PAK1: variants seen among roughly 807,000 people sequenced by gnomAD.
PAK1 encodes serine/threonine-protein kinase PAK 1.
PAK1 carries 29 observed loss-of-function variants against 67.4 expected under a neutral mutation model. The ratio of observed to expected loss-of-function variants is 0.43; its 90% CI spans 0.32 to 0.59. PAK1 has a LOEUF of 0.59. PAK1 is among the 20% of genes least tolerant of loss of function. PAK1 has a pLI of 0.07. For missense variants in PAK1, 337 were observed against 670.7 expected (o/e 0.50, Z 5.50); for synonymous variants, 223 against 237.4 (o/e 0.94, Z 0.56).
chr11:77,500,960 C>T, the PAK1 span, among the ~76,000 whole-genome samples: 1 of 152,078 alleles, frequency 6.6e-6, no homozygotes, highest in Non-Finnish European at 1.5e-5. Context: ...ACATTCAAAA[C>T]TTAGTCCCTC....
intron 1 of PAK1, among the ~76,000 whole-genome samples, chr11:77,394,718 G>A (rs1283340952): frequency 4.6e-5 from 7 of 152,090 alleles, no homozygotes; most frequent in Admixed American, 6.5e-5. Context: ...GGTGGCGCGC[G>A]CCTGTAGTCC....
intron 8 of PAK1, among the ~76,000 whole-genome samples, chr11:77,352,777 A>G (rs904259098): frequency 6.6e-6 from 1 of 152,208 alleles, no homozygotes; most frequent in Non-Finnish European, 1.5e-5. Flanking sequence ...TATTCAGTAC[A>G]GTAACATGCT....
chr11:77,489,520 T>C, the PAK1 span, among the ~76,000 whole-genome samples: 1 of 152,002 alleles, frequency 6.6e-6, no homozygotes, highest in East Asian at 1.9e-4. Context: ...ACTGTACTGC[T>C]GCCATCTCGG....
intron 2 of PAK1, among the ~76,000 whole-genome samples, chr11:77,383,280 G>A (rs57497719): frequency 0.04 from 6,099 of 152,028 alleles, 400 homozygotes; most frequent in African/African-American, 0.14. Context: ...TAAAAGGAAC[G>A]GGGAAATCTA....
intron 1 of PAK1, among the ~76,000 whole-genome samples, chr11:77,422,097 T>G (rs980072384): frequency 2.0e-5 from 3 of 152,154 alleles, no homozygotes; most frequent in African/African-American, 4.8e-5. Flanking sequence ...TTACTGAAAG[T>G]ATTTGATAGT....
intron 9 of PAK1, among the ~76,000 whole-genome samples, chr11:77,345,549 T>C (rs1944295096): frequency 6.6e-6 from 1 of 152,202 alleles, no homozygotes; most frequent in South Asian, 2.1e-4. Context: ...CCTGACTCTA[T>C]TATTTCTTCA....
At chr11:77,402,060 C>T (rs1952767735) in intron 1 of PAK1, among the ~76,000 whole-genome samples, 13 of 152,076 alleles carry the variant, frequency 8.5e-5, no homozygotes, top group Admixed American at 8.5e-4. Context: ...AAATAAACAC[C>T]TTTATTTTAT....
chr11:77,385,622 G>A (rs1278229852), intron 2 of PAK1, among the ~76,000 whole-genome samples: 3 of 152,144 alleles, frequency 2.0e-5, no homozygotes, highest in Admixed American at 6.5e-5. Flanking sequence ...TTGGGCAGCC[G>A]TGGCGGGTGA....
At chr11:77,484,304 G>A in the PAK1 span, among the ~76,000 whole-genome samples, 3 of 151,872 alleles carry the variant, frequency 2.0e-5, no homozygotes, top group Admixed American at 2.0e-4. Flanking sequence ...AAACCAGAGT[G>A]GCTTCAACAA....
At chr11:77,490,782 T>G in the PAK1 span, among the ~76,000 whole-genome samples, 107 of 152,366 alleles carry the variant, frequency 7.0e-4, 3 homozygotes, top group South Asian at 0.021. Flanking sequence ...TGTTCTGTAC[T>G]AAGAAAAATT....
intron 13 of PAK1, 92 bp downstream of exon 13, chr11:77,335,994 G>T: frequency 1.3e-6 from 1 of 753,914 alleles, no homozygotes; most frequent in Non-Finnish European, 2.1e-6. Context: ...GGGATCTCCA[G>T]GTTGAAAACC....
the PAK1 span, among the ~76,000 whole-genome samples, chr11:77,498,436 G>A: frequency 6.6e-6 from 1 of 152,088 alleles, no homozygotes; most frequent in Admixed American, 6.5e-5. Context: ...ATGCTGACAG[G>A]AATCATTGCA....
intron 2 of PAK1, 52 bp from the exon 3 acceptor site, chr11:77,380,046 T>C: frequency 1.4e-6 from 2 of 1,419,546 alleles, no homozygotes; most frequent in Non-Finnish European, 2.0e-6. Flanking sequence ...TTATTGTTTT[T>C]AGGCTTATTT....
intron 2 of PAK1, among the ~76,000 whole-genome samples, chr11:77,391,210 T>C (rs940840629): frequency 3.9e-5 from 6 of 152,246 alleles, no homozygotes; most frequent in Admixed American, 6.5e-5. Flanking sequence ...GTTCTGATTT[T>C]ACCATGTAGT....
chr11:77,489,462 C>T, the PAK1 span, among the ~76,000 whole-genome samples: 1 of 151,858 alleles, frequency 6.6e-6, no homozygotes, highest in East Asian at 2.0e-4. Flanking sequence ...CACGGTCTCC[C>T]TCTCCCTCTC....
chr11:77,456,749 T>G (rs918689161), intron 1 of PAK1, among the ~76,000 whole-genome samples: 31 of 146,736 alleles, frequency 2.1e-4, no homozygotes, highest in South Asian at 8.6e-4. Context: ...TGGTTTTTTG[T>G]TTTTTTTTTT....
At chr11:77,465,367 C>G (rs1160115570) in intron 1 of PAK1, among the ~76,000 whole-genome samples, 7 of 151,856 alleles carry the variant, frequency 4.6e-5, no homozygotes, top group Non-Finnish European at 1.0e-4. Context: ...GGCTAAAGAA[C>G]AGAATTAAGT....
chr11:77,453,971 T>G (rs1399584253), intron 1 of PAK1, among the ~76,000 whole-genome samples: 2 of 152,150 alleles, frequency 1.3e-5, no homozygotes, highest in African/African-American at 2.4e-5. Context: ...TAGCCCCAGC[T>G]ACTTGGCAGG....
Position 77,332,716 on chromosome 11 carries a change from ATAAGGACAGTTACCT to A in PAK1, c.1550_1551+13del. On this transcript the variant is annotated splice_donor_variant and splice_donor_5th_base_variant and coding_sequence_variant and intron_variant, in exon 14 of 15. Coordinates refer to ENST00000356341, the MANE Select transcript of PAK1 (RefSeq NM_002576.5). LOFTEE classifies it high-confidence loss of function. ...TTCCCTGAATTAGGTGCTTCCCTGC[ATAAGGACAGTTACCT>A]GTAGCAGCTCTTTAGCTGAACCTCT... 6.2e-7 allele frequency: 1 copy of A among 1,611,286 alleles called. No individual in the cohort carries two copies. Among genetic ancestry groups the A allele is most frequent in the Non-Finnish European group, 8.5e-7 (1 of 1,177,564 alleles).
Sources: gnomAD v4.1 joint callset for allele counts (sites outside exome capture counted in the v4.1 genomes callset) on GRCh38, gnomAD v4.1.1 for gene constraint, MANE v1.5 for transcripts, NCBI Gene and HGNC (gene_info 2026-07-23, HGNC 2026-07-21) for gene names.